ADAMTSL1: variants seen among roughly 807,000 people sequenced by gnomAD.
ADAMTSL1 encodes the protein ADAMTS like 1.
A neutral mutation model predicts 201.8 loss-of-function variants in ADAMTSL1; 126 were observed. The ratio of observed to expected loss-of-function variants is 0.62; its 90% CI spans 0.54 to 0.72. ADAMTSL1 has a LOEUF of 0.72. Among genes scored for constraint, ADAMTSL1 ranks in the 30% least tolerant of loss-of-function variants. The pLI, the probability that ADAMTSL1 is intolerant of heterozygous loss-of-function variation, is 0.00. For synonymous variants in ADAMTSL1, 1,121 were observed against 903.4 expected (o/e 1.24, Z -4.32); for missense variants, 2,679 against 2,277.8 (o/e 1.18, Z -3.59).
intron 14 of ADAMTSL1, among the ~76,000 whole-genome samples, chr9:18,715,114 A>G (rs1832843994): frequency 7.4e-6 from 1 of 134,252 alleles, no homozygotes; most frequent in Non-Finnish European, 1.6e-5. Flanking sequence ...ATCTATGACA[A>G]ACCCACAGCC....
chr9:18,609,924 A>C (rs1478637071), intron 4 of ADAMTSL1, among the ~76,000 whole-genome samples: 1 of 152,204 alleles, frequency 6.6e-6, no homozygotes, highest in African/African-American at 2.4e-5. Context: ...TCACAAGAGA[A>C]CTGAACTCGT....
chr9:18,799,470 G>T (rs984517746), intron 20 of ADAMTSL1, among the ~76,000 whole-genome samples: 2 of 152,220 alleles, frequency 1.3e-5, no homozygotes, highest in African/African-American at 4.8e-5. Flanking sequence ...GATCCGTGGA[G>T]TTTAGCTGTA....
intron 2 of ADAMTSL1, among the ~76,000 whole-genome samples, chr9:18,430,490 G>T (rs542318057): frequency 3.7e-4 from 57 of 152,250 alleles, no homozygotes; most frequent in African/African-American, 1.3e-3. Context: ...GTGTGTGTTT[G>T]TACAGACCTT....
At chr9:18,085,780 T>C (rs189881459) in intron 1 of ADAMTSL1, among the ~76,000 whole-genome samples, 331 of 149,948 alleles carry the variant, frequency 2.2e-3, no homozygotes, top group African/African-American at 7.6e-3. Context: ...TATATATATA[T>C]ACACACACAC....
intron 23 of ADAMTSL1, among the ~76,000 whole-genome samples, chr9:18,832,457 G>A (rs907339622): frequency 1.3e-5 from 2 of 152,184 alleles, no homozygotes; most frequent in African/African-American, 4.8e-5. Context: ...CAAATCTTTC[G>A]AGGGTTTTTA....
intron 5 of ADAMTSL1, among the ~76,000 whole-genome samples, chr9:18,626,882 CCTT>C (rs1826412251): frequency 8.0e-6 from 1 of 125,562 alleles, no homozygotes; most frequent in South Asian, 2.8e-4. Flanking sequence ...TTTCTTCCTT[CCTT>C]CCTTCCTTCC....
intron 1 of ADAMTSL1, among the ~76,000 whole-genome samples, chr9:18,120,393 A>G (rs1271324150): frequency 6.6e-6 from 1 of 152,170 alleles, no homozygotes; most frequent in Non-Finnish European, 1.5e-5. Context: ...ATCACACACC[A>G]TTCCTGGTAC....
intron 2 of ADAMTSL1, among the ~76,000 whole-genome samples, chr9:18,237,838 T>A (rs557218008): frequency 1.2e-3 from 176 of 152,376 alleles, no homozygotes; most frequent in African/African-American, 3.8e-3. Flanking sequence ...ATTTGATGCA[T>A]CCTGTGGTTA....
chr9:17,983,068 C>CTTTTTT (rs1334217552), intron 1 of ADAMTSL1, among the ~76,000 whole-genome samples: 3 of 97,466 alleles, frequency 3.1e-5, no homozygotes, highest in African/African-American at 8.0e-5. Flanking sequence ...TTCTTTCTTT[C>CTTTTTT]TTTCTTTCTT....
chr9:18,533,061 C>A (rs1819541925), intron 2 of ADAMTSL1, among the ~76,000 whole-genome samples, 186 bp from the exon 3 acceptor site: 1 of 151,946 alleles, frequency 6.6e-6, no homozygotes, highest in African/African-American at 2.4e-5. Flanking sequence ...ATAGAGAAAT[C>A]AATTTACATC....
intron 22 of ADAMTSL1, among the ~76,000 whole-genome samples, chr9:18,828,696 A>ATATT (rs1384860090): frequency 8.8e-5 from 8 of 91,072 alleles, no homozygotes; most frequent in South Asian, 3.9e-4. Flanking sequence ...ATATATATAA[A>ATATT]ATGTGTGTGT....
chr9:18,572,917 T>C (rs1822433223), intron 3 of ADAMTSL1, among the ~76,000 whole-genome samples: 1 of 152,196 alleles, frequency 6.6e-6, no homozygotes, highest in Non-Finnish European at 1.5e-5. Context: ...CAGTCTTCCA[T>C]GGTAAATTTT....
At chr9:18,026,490 T>A (rs1586913458) in intron 1 of ADAMTSL1, among the ~76,000 whole-genome samples, 1 of 152,104 alleles carries the variant, frequency 6.6e-6, no homozygotes. Context: ...TTTAAATCTG[T>A]TTATGTGGTG....
intron 2 of ADAMTSL1, among the ~76,000 whole-genome samples, chr9:18,527,886 C>T (rs560509299): frequency 1.6e-4 from 24 of 152,042 alleles, no homozygotes; most frequent in East Asian, 7.7e-4. Context: ...GTATTCCACC[C>T]GCCCCCCTCA....
chr9:18,655,531 T>C (rs548054578), intron 7 of ADAMTSL1, among the ~76,000 whole-genome samples: 1 of 152,106 alleles, frequency 6.6e-6, no homozygotes, highest in African/African-American at 2.4e-5. Context: ...TATTATGATG[T>C]TATATCCTCC....
chr9:17,963,567 T>C (rs570478279), intron 1 of ADAMTSL1, among the ~76,000 whole-genome samples: 6 of 152,214 alleles, frequency 3.9e-5, no homozygotes, highest in Non-Finnish European at 8.8e-5. Context: ...TTGGGAAGTT[T>C]TAGACTCTGA....
rs75619542 is a variant in ADAMTSL1, at chr9:18,565,628, C to T, written c.238-8402C>T. ...AAAAGGAGGGAAAATTAGCCAAGAA[C>T]GGCCTTTACCTGCTATGGCACCATC... On this transcript the variant is annotated intron_variant, in intron 3 of 28. Transcript: ENST00000380548. 4.0e-3 allele frequency among the ~76,000 whole-genome samples: 593 copies of T among 149,670 alleles called. 5 individuals are homozygous for T. The highest frequency in any genetic ancestry group is 0.013 in the African/African-American group (538 of 40,542).
At chr9:18,594,759 T>C (rs1824155867) in intron 4 of ADAMTSL1, among the ~76,000 whole-genome samples, 1 of 152,204 alleles carries the variant, frequency 6.6e-6, no homozygotes, top group Admixed American at 6.5e-5. Context: ...ACAGCTATTT[T>C]GAGTTATTTG....
intron 1 of ADAMTSL1, among the ~76,000 whole-genome samples, chr9:18,112,950 G>C (rs940939823): frequency 1.3e-4 from 20 of 152,252 alleles, no homozygotes; most frequent in African/African-American, 4.6e-4. Flanking sequence ...AACTTGTACA[G>C]TCAATCAGTA....
Sources: allele counts gnomAD v4.1 joint callset (sites outside exome capture counted in the v4.1 genomes callset), GRCh38; gene constraint gnomAD v4.1.1; transcripts MANE v1.5; gene names NCBI Gene and HGNC (gene_info 2026-07-23, HGNC 2026-07-21).